Variants in NFATC2 observed in about 807,000 individuals in gnomAD.
NFATC2 encodes nuclear factor of activated T cells 2.
A neutral mutation model predicts 87.3 loss-of-function variants in NFATC2; 22 were observed. That is an observed-to-expected ratio of 0.25 (90% CI 0.18 to 0.36). NFATC2 has a LOEUF of 0.36. Among genes scored for constraint, NFATC2 ranks in the 10% least tolerant of loss-of-function variants. The probability of loss-of-function intolerance (pLI) is 1.00; values close to 1 mark genes in which losing one functional copy is unlikely to be tolerated. For synonymous variants in NFATC2, 565 were observed against 542.2 expected (o/e 1.04, Z -0.58); for missense variants, 1,149 against 1,259.1 (o/e 0.91, Z 1.32).
In NFATC2 at chr20:51,524,667, C is replaced by T. The variant is rs1251533171; in HGVS notation, c.131-557G>A. 6.6e-6 allele frequency among the ~76,000 whole-genome samples: 1 copy of T among 152,116 alleles called. No homozygotes were observed. The highest frequency in any genetic ancestry group is 1.5e-5 in the Non-Finnish European group (1 of 68,024). On this transcript the variant is annotated intron_variant, in intron 1 of 10. Coordinates refer to ENST00000371564, the MANE Select transcript of NFATC2 (RefSeq NM_012340.5). The surrounding 1 kb of genome is among the most constrained non-coding windows in gnomAD (Gnocchi z 4.0). The stretch of plus-strand genomic sequence containing the variant: ...AGGACACAGAGGGAGGCTGCGCAGA[C>T]TCTGCAGCCCACAGTGCCCTGGGCT...
intron 10 of NFATC2, among the ~76,000 whole-genome samples, chr20:51,395,166 A>G (rs1986877188): frequency 6.6e-6 from 1 of 152,118 alleles, no homozygotes; most frequent in African/African-American, 2.4e-5. Context: ...GGCCCTATAC[A>G]GTGCCAGGGA....
chr20:51,421,598 G>C (rs1980931622), intron 9 of NFATC2, among the ~76,000 whole-genome samples: 1 of 152,212 alleles, frequency 6.6e-6, no homozygotes, highest in Non-Finnish European at 1.5e-5. Flanking sequence ...TCCAACTAAA[G>C]GAAGTAGCCT....
chr20:51,423,423 T>C (rs1981269239), intron 9 of NFATC2, among the ~76,000 whole-genome samples: 1 of 151,498 alleles, frequency 6.6e-6, no homozygotes, highest in Non-Finnish European at 1.5e-5. Flanking sequence ...CATCCTGAAA[T>C]GAGTGAGGTA....
intron 9 of NFATC2, among the ~76,000 whole-genome samples, chr20:51,424,104 C>T (rs886551927): frequency 3.3e-5 from 5 of 152,244 alleles, no homozygotes; most frequent in East Asian, 1.9e-4. Flanking sequence ...ACCTGCATAT[C>T]GTTTAGGCAC....
Position 51,540,647 on chromosome 20 carries a change from G to GTTTTTTTTTTTTTTTTTTTTT in NFATC2, c.130+1722_130+1723insAAAAAAAAAAAAAAAAAAAAA, listed in dbSNP as rs375172598. 1.8e-3 allele frequency among the ~76,000 whole-genome samples: 200 copies of GTTTTTTTTTTTTTTTTTTTTT among 112,896 alleles called. 24 individuals carry two copies. The highest frequency in any genetic ancestry group is 2.1e-3 in the African/African-American group (49 of 22,864). 74.1% of individuals were successfully genotyped at this position (112,896 alleles called of 152,430 possible). A position where few individuals can be genotyped will look rare whatever the true frequency, so the allele number is the denominator to read the frequency against. ...ATCTGAAACTGTTCCAAAAACTGAA[G>GTTTTTTTTTTTTTTTTTTTTT]TTTTTTTTTTGTTTTTTTTTTTTTG... On this transcript the variant is annotated intron_variant, in intron 1 of 10. Coordinates refer to ENST00000371564, the MANE Select transcript of NFATC2 (RefSeq NM_012340.5).
At chr20:51,538,329 C>T (rs1392425464) in intron 1 of NFATC2, among the ~76,000 whole-genome samples, 2 of 151,810 alleles carry the variant, frequency 1.3e-5, no homozygotes, top group African/African-American at 2.4e-5. Context: ...CATATTTTTC[C>T]ATAGATGCTA....
intron 9 of NFATC2, among the ~76,000 whole-genome samples, chr20:51,400,913 C>G (rs1388173756): frequency 6.6e-6 from 1 of 152,148 alleles, no homozygotes; most frequent in African/African-American, 2.4e-5. Flanking sequence ...TAGGGTTTCC[C>G]CAATTTGAAA....
chr20:51,405,235 C>A (rs1448792828), intron 9 of NFATC2, among the ~76,000 whole-genome samples: 2 of 152,148 alleles, frequency 1.3e-5, no homozygotes, highest in African/African-American at 2.4e-5. Flanking sequence ...CTAGTCCTCC[C>A]CCAACCCACC....
At chr20:51,463,046 C>G (rs1987316453) in intron 5 of NFATC2, among the ~76,000 whole-genome samples, 2 of 152,386 alleles carry the variant, frequency 1.3e-5, no homozygotes, top group South Asian at 4.1e-4. Context: ...CAGCTGCTGT[C>G]AGCCCTTCTT....
At chr20:51,459,403 G>A (rs1286733021) in intron 5 of NFATC2, among the ~76,000 whole-genome samples, 5 of 152,148 alleles carry the variant, frequency 3.3e-5, no homozygotes, top group African/African-American at 1.2e-4. Flanking sequence ...GGTGGAAATT[G>A]GGCAGTGCCT....
intron 1 of NFATC2, among the ~76,000 whole-genome samples, chr20:51,536,596 ACTC>A (rs1171239385): frequency 6.6e-6 from 1 of 152,062 alleles, no homozygotes; most frequent in African/African-American, 2.4e-5. Context: ...AGGAGCCTCT[ACTC>A]CTGATCAAAA....
intron 5 of NFATC2, among the ~76,000 whole-genome samples, chr20:51,472,969 A>G (rs1988373563): frequency 6.6e-6 from 1 of 152,214 alleles, no homozygotes; most frequent in African/African-American, 2.4e-5. Context: ...AACACTGAGC[A>G]GATAATAAGT....
chr20:51,400,343 G>A (rs1368941642), intron 9 of NFATC2, among the ~76,000 whole-genome samples: 1 of 152,068 alleles, frequency 6.6e-6, no homozygotes, highest in African/African-American at 2.4e-5. Flanking sequence ...TCACACCCTT[G>A]GAGGAGTCGT....
rs551558567 is a variant in NFATC2, at chr20:51,409,439, A to G, written c.2723-10709T>C. 1.3e-3 allele frequency among the ~76,000 whole-genome samples: 191 copies of G among 152,376 alleles called. 1 individual carries two copies. The highest frequency in any genetic ancestry group is 3.4e-3 in the Middle Eastern group (1 of 294). The stretch of plus-strand genomic sequence containing the variant: ...CAGCTAAAGCAAAGACAATGAGTGA[A>G]ATCTACAAAGAAAATGAAAAGGAAG... On this transcript the variant is annotated intron_variant, in intron 9 of 10. Coordinates refer to ENST00000371564, the MANE Select transcript of NFATC2 (RefSeq NM_012340.5).
chr20:51,520,390 C>T (rs2076424530), intron 2 of NFATC2, among the ~76,000 whole-genome samples: 1 of 151,614 alleles, frequency 6.6e-6, no homozygotes, highest in South Asian at 2.1e-4. Context: ...CTCTCTGAGC[C>T]CAAATTTCTC....
In NFATC2 at chr20:51,487,459, C is replaced by T. The variant is rs186078919; in HGVS notation, c.1333-11799G>A. 1.6e-3 allele frequency among the ~76,000 whole-genome samples: 249 copies of T among 152,332 alleles called. 1 individual carries two copies. The highest frequency in any genetic ancestry group is 5.8e-3 in the African/African-American group (240 of 41,578). ...ACATGTTTACCTATGGAACAAACCTCTGCATCCGGCACATGTATCCCGGAA... is the reference window on the plus strand; with the variant it reads ...ACATGTTTACCTATGGAACAAACCTTTGCATCCGGCACATGTATCCCGGAA... On this transcript the variant is annotated intron_variant, in intron 3 of 10. Coordinates refer to ENST00000371564, the MANE Select transcript of NFATC2 (RefSeq NM_012340.5).
intron 10 of NFATC2, among the ~76,000 whole-genome samples, chr20:51,397,356 CCTCAATAGGACT>C (rs1334217951): frequency 1.3e-5 from 2 of 151,296 alleles, no homozygotes; most frequent in Non-Finnish European, 2.9e-5. Context: ...TCAATAGGAC[CCTCAATAGGACT>C]GTAGCCCAGA....
intron 3 of NFATC2, among the ~76,000 whole-genome samples, chr20:51,486,431 G>T (rs984107342): frequency 2.6e-5 from 4 of 152,146 alleles, no homozygotes; most frequent in African/African-American, 9.7e-5. Context: ...CCCACAGCTG[G>T]TTCCTCCTGA....
At chr20:51,465,601 A>G (rs577328435) in intron 5 of NFATC2, among the ~76,000 whole-genome samples, 1 of 152,102 alleles carries the variant, frequency 6.6e-6, no homozygotes, top group South Asian at 2.1e-4. Flanking sequence ...TACTGGCTAT[A>G]CTTCCCCGTG....
Sources: allele counts gnomAD v4.1 joint callset (sites outside exome capture counted in the v4.1 genomes callset), GRCh38; gene constraint gnomAD v4.1.1; non-coding constraint Gnocchi (gnomAD v3.1); transcripts MANE v1.5; gene names NCBI Gene and HGNC (gene_info 2026-07-23, HGNC 2026-07-21).